CUL1: variants seen among roughly 807,000 people sequenced by gnomAD.
The protein encoded by CUL1 is cullin-1.
A neutral mutation model predicts 118.0 loss-of-function variants in CUL1; 24 were observed. The observed-to-expected ratio is 0.20, with a 90% CI of 0.15 to 0.29. CUL1 has a LOEUF of 0.29. CUL1 is among the 10% of genes least tolerant of loss of function. The pLI is 1.00. For synonymous variants in CUL1, 332 were observed against 340.4 expected (o/e 0.98, Z 0.27); for missense variants, 361 against 933.8 (o/e 0.39, Z 7.99).
intron 17 of CUL1, among the ~76,000 whole-genome samples, chr7:148,793,028 C>T (rs1241773621): frequency 1.3e-5 from 2 of 152,164 alleles, no homozygotes; most frequent in Non-Finnish European, 2.9e-5. Flanking sequence ...GGCATGGTGG[C>T]ACATGCCTGT....
chr7:148,740,766 C>T (rs986777653), intron 2 of CUL1, among the ~76,000 whole-genome samples: 1 of 151,984 alleles, frequency 6.6e-6, no homozygotes, highest in African/African-American at 2.4e-5. Flanking sequence ...GATTGGTGTC[C>T]TTATAAGAAG....
At chr7:148,735,228 C>A (rs979670102) in intron 2 of CUL1, among the ~76,000 whole-genome samples, 3 of 152,188 alleles carry the variant, frequency 2.0e-5, no homozygotes, top group Non-Finnish European at 4.4e-5. Flanking sequence ...TTCGTGATTG[C>A]TGGGGGTCGG....
chr7:148,760,508 T>C lies in CUL1; in HGVS notation c.789+12T>C, dbSNP rs753974922. On this transcript the variant is annotated intron_variant, in intron 7 of 21. Coordinates refer to ENST00000325222, the MANE Select transcript of CUL1 (RefSeq NM_003592.3). ...AATATATGAAAAAGGTAAGCTTAAA[T>C]ATAGTACTTTAAGTAGACTTAAGTT... 6.3e-7 allele frequency: 1 copy of C among 1,591,126 alleles called. No individual in the cohort carries two copies.
intron 1 of CUL1, among the ~76,000 whole-genome samples, chr7:148,710,744 C>T (rs928552045): frequency 6.6e-6 from 1 of 151,888 alleles, no homozygotes; most frequent in African/African-American, 2.4e-5. Flanking sequence ...CTGCAACCCC[C>T]GCCTTCTGGT....
At chr7:148,734,705 C>T (rs1798882316) in intron 2 of CUL1, among the ~76,000 whole-genome samples, 1 of 152,170 alleles carries the variant, frequency 6.6e-6, no homozygotes, top group African/African-American at 2.4e-5. Context: ...GGAACACAAA[C>T]ATGGGTGCTG....
chr7:148,700,698 TC>T (rs1797694386), intron 1 of CUL1, among the ~76,000 whole-genome samples: 1 of 152,212 alleles, frequency 6.6e-6, no homozygotes, highest in African/African-American at 2.4e-5. Flanking sequence ...AGGAGAGTGT[TC>T]CTTAAGCTTG....
At chr7:148,791,288 T>C (rs1044900920) in intron 16 of CUL1, among the ~76,000 whole-genome samples, 2 of 152,240 alleles carry the variant, frequency 1.3e-5, no homozygotes, top group African/African-American at 4.8e-5. Context: ...CTAAGAAGAA[T>C]TGCAAATCTG....
intron 15 of CUL1, 82 bp from the exon 16 acceptor site, chr7:148,790,228 G>T (rs1800958881): frequency 4.2e-6 from 6 of 1,413,116 alleles, no homozygotes; most frequent in Non-Finnish European, 6.0e-6. Context: ...CTGTAAGCTT[G>T]GAACAGTGGG....
At chr7:148,700,787 C>CA (rs1479960967) in intron 1 of CUL1, among the ~76,000 whole-genome samples, 2 of 151,938 alleles carry the variant, frequency 1.3e-5, no homozygotes, top group African/African-American at 2.4e-5. Context: ...ACGATTTTGT[C>CA]AAAAAACAAA....
intron 2 of CUL1, among the ~76,000 whole-genome samples, chr7:148,749,734 A>G (rs955721436): frequency 2.6e-5 from 4 of 152,204 alleles, no homozygotes; most frequent in African/African-American, 7.2e-5. Context: ...AGTAAAATGA[A>G]GAGTTGCATT....
At chr7:148,719,030 G>T (rs977428771) in intron 1 of CUL1, among the ~76,000 whole-genome samples, 3 of 152,154 alleles carry the variant, frequency 2.0e-5, no homozygotes, top group African/African-American at 7.2e-5. Flanking sequence ...AGCTACTGTT[G>T]GCCGGGCGCA....
chr7:148,763,565 T>C (rs1246482906), intron 7 of CUL1, among the ~76,000 whole-genome samples: 1 of 152,192 alleles, frequency 6.6e-6, no homozygotes, highest in African/African-American at 2.4e-5. Flanking sequence ...ATGTGAATAA[T>C]AATAATAGGT....
At chr7:148,738,258 C>T (rs1799027027) in intron 2 of CUL1, among the ~76,000 whole-genome samples, 1 of 152,192 alleles carries the variant, frequency 6.6e-6, no homozygotes, top group Non-Finnish European at 1.5e-5. Flanking sequence ...GGAAGGCAGT[C>T]TGTTGGTGAG....
At chr7:148,707,601 T>A (rs758018142) in intron 1 of CUL1, among the ~76,000 whole-genome samples, 74 of 152,172 alleles carry the variant, frequency 4.9e-4, no homozygotes, top group Non-Finnish European at 2.9e-4. Flanking sequence ...ACCTAGGTAT[T>A]AAGCCCTGCA....
chr7:148,720,228 G>A (rs1798356515), intron 1 of CUL1, among the ~76,000 whole-genome samples: 1 of 152,200 alleles, frequency 6.6e-6, no homozygotes, highest in Non-Finnish European at 1.5e-5. Context: ...GTGAGTGCCT[G>A]TTTGTGTTTT....
chr7:148,727,989 T>C (rs910460135), intron 1 of CUL1, among the ~76,000 whole-genome samples: 3 of 152,230 alleles, frequency 2.0e-5, no homozygotes, highest in East Asian at 1.9e-4. Context: ...CTGACGGCCA[T>C]GTCAAGAATG....
intron 9 of CUL1, among the ~76,000 whole-genome samples, chr7:148,779,415 C>CT (rs1800534566): frequency 6.6e-6 from 1 of 152,106 alleles, no homozygotes; most frequent in African/African-American, 2.4e-5. Flanking sequence ...CTCGGCCTAT[C>CT]TTGGAAATTC....
Position 148,800,649 on chromosome 7 carries a change from C to A in CUL1, c.*67C>A. The A allele has an allele frequency of 1.5e-6, 2 of 1,334,458 alleles. No homozygotes were observed. Among genetic ancestry groups the A allele is most frequent in the Non-Finnish European group, 2.1e-6 (2 of 938,246 alleles). The allele number at this position is 1,334,458 out of a possible 1,614,324, so 82.7% of individuals were successfully genotyped here. A position where few individuals can be genotyped will look rare whatever the true frequency, so the allele number is the denominator to read the frequency against. Reference sequence around the variant, plus strand: ...TTCATGTTGGAAAGAATGAAAACAACTCAAGTTCATAGCAGCCAGCCTGCC... The same window carrying A: ...TTCATGTTGGAAAGAATGAAAACAAATCAAGTTCATAGCAGCCAGCCTGCC... On this transcript the variant is annotated 3_prime_UTR_variant, in exon 22 of 22. Transcript: ENST00000325222. The surrounding 1 kb of genome is among the most constrained non-coding windows in gnomAD (Gnocchi z 4.6).
At chr7:148,749,673 A>T (rs1255229695) in intron 2 of CUL1, among the ~76,000 whole-genome samples, 1 of 152,030 alleles carries the variant, frequency 6.6e-6, no homozygotes, top group African/African-American at 2.4e-5. Flanking sequence ...AGACACAACA[A>T]TCTTGAGTTG....
Sources: allele counts gnomAD v4.1 joint callset (sites outside exome capture counted in the v4.1 genomes callset), GRCh38; gene constraint gnomAD v4.1.1; non-coding constraint Gnocchi (gnomAD v3.1); transcripts MANE v1.5; gene names NCBI Gene and HGNC (gene_info 2026-07-23, HGNC 2026-07-21).